Variants in KLHL14 observed in about 807,000 individuals in gnomAD.
The protein encoded by KLHL14 is kelch like family member 14, also known as kelch-like protein 14.
In KLHL14, 22 loss-of-function variants were observed where a neutral mutation model predicts 64.3. That is an observed-to-expected ratio of 0.34 (90% CI 0.24 to 0.49). KLHL14 has a LOEUF of 0.49. Among genes scored for constraint, KLHL14 ranks in the 20% least tolerant of loss-of-function variants. KLHL14 has a pLI of 0.99. For missense variants in KLHL14, 661 were observed against 789.0 expected, an observed-to-expected ratio of 0.84 and a Z score of 1.94; for synonymous variants, 322 against 333.4, an observed-to-expected ratio of 0.97 and a Z score of 0.37.
At chr18:32,751,568 G>A (rs1454841170) in intron 2 of KLHL14, among the ~76,000 whole-genome samples, 1 of 152,158 alleles carries the variant, frequency 6.6e-6, no homozygotes, top group Non-Finnish European at 1.5e-5. Context: ...GGCTGAAAAT[G>A]CCTTACTTCC....
At chr18:32,720,013 A>G (rs2050068820) in intron 3 of KLHL14, among the ~76,000 whole-genome samples, 1 of 152,216 alleles carries the variant, frequency 6.6e-6, no homozygotes, top group South Asian at 2.1e-4. Flanking sequence ...TTTGTATCCA[A>G]AATTCCTGCA....
intron 1 of KLHL14, chr18:32,772,094 GCGCCGGCC>G (rs200605696): frequency 0.81 from 184,116 of 227,734 alleles, 76,904 homozygotes; most frequent in Middle Eastern, 0.88. Flanking sequence ...TCCCGCCCGC[GCGCCGGCC>G]CGCCGGCCCG....
chr18:32,704,412 CAGA>C (rs2049980354), intron 3 of KLHL14, among the ~76,000 whole-genome samples: 1 of 152,054 alleles, frequency 6.6e-6, no homozygotes, highest in Non-Finnish European at 1.5e-5. Flanking sequence ...TACAAGGTAT[CAGA>C]AGGTCTAATT....
chr18:32,740,986 A>C (rs1425562485), intron 3 of KLHL14: 1 of 152,248 alleles, frequency 6.6e-6, no homozygotes, highest in East Asian at 1.9e-4. Flanking sequence ...GAAGGAAACG[A>C]TTTTTGAAAA....
intron 3 of KLHL14, among the ~76,000 whole-genome samples, chr18:32,739,636 A>G (rs2050184747): frequency 7.4e-6 from 1 of 134,740 alleles, no homozygotes; most frequent in African/African-American, 3.2e-5. Flanking sequence ...CCATTATAAG[A>G]ACTTTGCACA....
At chr18:32,701,165 A>C (rs1204056984) in intron 3 of KLHL14, among the ~76,000 whole-genome samples, 4 of 152,162 alleles carry the variant, frequency 2.6e-5, no homozygotes, top group African/African-American at 9.7e-5. Context: ...CTGATGGTTA[A>C]TTCATTCAAC....
rs59047993 is a variant in KLHL14 at position 32,674,637 on chromosome 18, C to A, written c.*20G>T. 8.1e-3 allele frequency: 6,318 copies of A among 779,622 alleles called. 264 individuals carry two copies. The African/African-American group carries it at 0.09, about 11-fold the overall frequency. The allele number at this position is 779,622 out of a possible 1,614,324, so 48.3% of individuals were successfully genotyped here. A position where few individuals can be genotyped will look rare whatever the true frequency, so the allele number is the denominator to read the frequency against. On this transcript the variant is annotated 3_prime_UTR_variant, in exon 9 of 9. Transcript: ENST00000359358. ...TTGCTTCCTAGAATGTGATACTGTT[C>A]ATTCCAGAGTTTCCTGGTGTTATTT...
In KLHL14 at chr18:32,680,231, G is replaced by T; in HGVS notation, c.1526C>A (p.Ala509Glu). ...ARKQDMNTKR[A>E]IHTLAVMNDR... Reference sequence around the variant, plus strand: ...ATTCATTACAGCCAAAGTGTGAATTGCACGTTTTGTGTTCATATCTTGTTT... The same window carrying T: ...ATTCATTACAGCCAAAGTGTGAATTTCACGTTTTGTGTTCATATCTTGTTT... The change falls in exon 7 of 9, where the codon GCA becomes GAA. Residue 509 changes from alanine (A) to glutamate (E), a missense_variant. Physicochemically the swap from Ala to Glu is moderately radical, Grantham distance 107 (BLOSUM62 -1). Coordinates refer to ENST00000359358, the MANE Select transcript of KLHL14 (RefSeq NM_020805.3). This position sits in a 1 kb window ranked among gnomAD's most constrained non-coding sequence, Gnocchi z 4.8. 6.2e-7 allele frequency: 1 copy of T among 1,613,802 alleles called. No individual in the cohort carries two copies. Among genetic ancestry groups the T allele is most frequent in the Non-Finnish European group, 8.5e-7 (1 of 1,179,810 alleles).
chr18:32,750,047 G>C (rs1420632306), intron 2 of KLHL14, among the ~76,000 whole-genome samples: 1 of 151,718 alleles, frequency 6.6e-6, no homozygotes, highest in East Asian at 2.0e-4. Flanking sequence ...GAGAGAGAGA[G>C]AGAGGAGAGC....
At chr18:32,717,439 C>T (rs1204777296) in intron 3 of KLHL14, among the ~76,000 whole-genome samples, 1 of 152,190 alleles carries the variant, frequency 6.6e-6, no homozygotes, top group Non-Finnish European at 1.5e-5. Context: ...TACTATGAGA[C>T]TCCCAGCTGC....
intron 2 of KLHL14, among the ~76,000 whole-genome samples, chr18:32,750,534 A>G (rs1198965523): frequency 6.6e-6 from 1 of 152,206 alleles, no homozygotes; most frequent in Non-Finnish European, 1.5e-5. Flanking sequence ...TAACAAAAAT[A>G]TAAAATCACT....
intron 2 of KLHL14, chr18:32,744,477 CAAAA>C (rs3042636): frequency 4.3e-4 from 58 of 135,104 alleles, no homozygotes; most frequent in African/African-American, 5.3e-4. Context: ...AACTCCATGT[CAAAA>C]AAAAAAAAAA....
intron 1 of KLHL14, chr18:32,772,255 C>G (rs750175522): frequency 5.1e-6 from 2 of 395,780 alleles, no homozygotes; most frequent in South Asian, 3.6e-5. Context: ...CCGGACTGGG[C>G]TCCTTTCGAC....
chr18:32,688,893 T>C (rs1449371334), intron 4 of KLHL14, among the ~76,000 whole-genome samples: 1 of 152,112 alleles, frequency 6.6e-6, no homozygotes, highest in Non-Finnish European at 1.5e-5. Flanking sequence ...AGAGCTGTGG[T>C]GGCTTGAATG....
rs746332904 is a variant in KLHL14, at chr18:32,683,646, C to G, written c.1239-3047G>C. On this transcript the variant is annotated intron_variant, in intron 5 of 8. Transcript: ENST00000359358. This position sits in a 1 kb window ranked among gnomAD's most constrained non-coding sequence, Gnocchi z 4.2. ...TCCCTCCTTCAGCCTCCCCTGCCCC[C>G]ACTGCCAGAAGCAATATTCAGTATT... 6.6e-6 allele frequency among the ~76,000 whole-genome samples: 1 copy of G among 152,176 alleles called. No individual in the cohort carries two copies. The highest frequency in any genetic ancestry group is 1.5e-5 in the Non-Finnish European group (1 of 68,030).
intron 3 of KLHL14, among the ~76,000 whole-genome samples, chr18:32,708,547 T>G (rs960791889): frequency 2.0e-5 from 3 of 152,170 alleles, no homozygotes; most frequent in Non-Finnish European, 4.4e-5. Context: ...CTGCTATATC[T>G]TTAAAAAATA....
intron 2 of KLHL14, among the ~76,000 whole-genome samples, chr18:32,760,899 T>G (rs2050310743): frequency 6.6e-6 from 1 of 152,248 alleles, no homozygotes; most frequent in Non-Finnish European, 1.5e-5. Flanking sequence ...TCTGATGCCC[T>G]TGGTTTCACC....
chr18:32,730,511 A>G (rs760683655), intron 3 of KLHL14, among the ~76,000 whole-genome samples: 97 of 152,242 alleles, frequency 6.4e-4, no homozygotes, highest in Non-Finnish European at 9.7e-4. Flanking sequence ...CAGAGGCATT[A>G]TAATAGAAAA....
At chr18:32,764,307 T>C (rs554799690) in intron 2 of KLHL14, among the ~76,000 whole-genome samples, 17 of 152,290 alleles carry the variant, frequency 1.1e-4, no homozygotes, top group African/African-American at 4.1e-4. Flanking sequence ...AACTCATCCA[T>C]TGTTTTAATT....
Sources: gnomAD v4.1 joint callset for allele counts (sites outside exome capture counted in the v4.1 genomes callset) on GRCh38, gnomAD v4.1.1 for gene constraint, Gnocchi (gnomAD v3.1) non-coding constraint, MANE v1.5 for transcripts, NCBI Gene and HGNC (gene_info 2026-07-23, HGNC 2026-07-21) for gene names.